RTCB: variants seen among roughly 807,000 people sequenced by gnomAD.
The protein encoded by RTCB is RNA-splicing ligase RTCB.
Under a neutral mutation model 58.2 loss-of-function variants are expected in RTCB, and 32 were observed. That is an observed-to-expected ratio of 0.55 (90% CI 0.41 to 0.74). The LOEUF is 0.74. RTCB is among the 30% of genes least tolerant of loss of function. The pLI is 0.00. For missense variants in RTCB, 523 were observed against 639.0 expected, an observed-to-expected ratio of 0.82 and a Z score of 1.96; for synonymous variants, 247 against 218.6, an observed-to-expected ratio of 1.13 and a Z score of -1.15.
At chr22:32,391,178 T>G (rs1423205817) in intron 11 of RTCB, among the ~76,000 whole-genome samples, 1 of 152,214 alleles carries the variant, frequency 6.6e-6, no homozygotes, top group Non-Finnish European at 1.5e-5. Context: ...TACAATTTAA[T>G]TTATAGTAGC....
Position 32,412,242 on chromosome 22 carries a change from A to G in RTCB, c.-86T>C. ...CCGGCTTCTCAGAGCACCGCCTTCC[A>G]AGAACCAAAGCGCAGGCGCGACCAG... On this transcript the variant is annotated 5_prime_UTR_variant, in exon 1 of 12. Transcript: ENST00000216038. The G allele has an allele frequency of 8.5e-7, 1 of 1,180,316 alleles. No individual in the cohort carries two copies. The highest frequency in any genetic ancestry group is 1.5e-5 in the African/African-American group (1 of 64,912). The allele number at this position is 1,180,316 out of a possible 1,614,324, so 73.1% of individuals were successfully genotyped here. A position where few individuals can be genotyped will look rare whatever the true frequency, so the allele number is the denominator to read the frequency against.
At position 32,403,633 on chromosome 22, in the gene RTCB, A is replaced by G. The variant is rs577437091; in HGVS notation, c.341-1730T>C. ...CTTGCTTTGTTGCCCAGGCTAGGTC[A>G]TAGCTCACTGAAGCCTCCAAGTCCT... On this transcript the variant is annotated intron_variant, in intron 4 of 11. Coordinates refer to ENST00000216038, the MANE Select transcript of RTCB (RefSeq NM_014306.5). 1.5e-4 allele frequency among the ~76,000 whole-genome samples: 23 copies of G among 152,210 alleles called. No homozygotes were observed. The East Asian group carries it at 3.1e-3, about 20-fold the overall frequency.
In RTCB at chr22:32,393,472, T is replaced by C. The variant is rs541157216; in HGVS notation, c.1290+420A>G. Among the ~76,000 whole-genome samples, 19 of 152,212 alleles carry C rather than the reference T, an allele frequency of 1.2e-4. No homozygotes were observed. In the East Asian group the frequency reaches 3.1e-3, roughly 25 times the overall value. ...CTGTACATGGGCTCTAATTTGCAAA[T>C]AGGGCCTATCCTTCCAATCTTGCGT... is the stretch of plus-strand genomic sequence containing the variant. On this transcript the variant is annotated intron_variant, in intron 10 of 11. Transcript: ENST00000216038.
chr22:32,394,003 C>T lies in RTCB; in HGVS notation c.1180-1G>A. 6.3e-7 allele frequency: 1 copy of T among 1,594,572 alleles called. No homozygotes were observed. The highest frequency in any genetic ancestry group is 8.6e-7 in the Non-Finnish European group (1 of 1,162,232). On this transcript the variant is annotated splice_acceptor_variant, in intron 9 of 11. Transcript: ENST00000216038. LOFTEE classifies it high-confidence loss of function. Reference sequence around the variant, plus strand: ...CAATGAGCACTGGCTGTCCAGTGAGCTGAGGATGCACATAAATCAAACATG... The same window carrying T: ...CAATGAGCACTGGCTGTCCAGTGAGTTGAGGATGCACATAAATCAAACATG...
At position 32,412,187 on chromosome 22, in the gene RTCB, C is replaced by G. The variant is rs1161566082; in HGVS notation, c.-31G>C. On this transcript the variant is annotated 5_prime_UTR_variant, in exon 1 of 12. Transcript: ENST00000216038. ...CGAAAACTGTAGCAAAAACTCCCGGCTCCGCTTTGAAGAGCCGCTGCCGCG... is the reference window on the plus strand; with the variant it reads ...CGAAAACTGTAGCAAAAACTCCCGGGTCCGCTTTGAAGAGCCGCTGCCGCG... 3 of 1,553,322 alleles carry G rather than the reference C, an allele frequency of 1.9e-6. No homozygotes were observed. The African/African-American group carries it at 4.2e-5, about 22-fold the overall frequency.
At chr22:32,390,582 A>G (rs141149611) in intron 11 of RTCB, among the ~76,000 whole-genome samples, 5,244 of 152,016 alleles carry the variant, frequency 0.034, 288 homozygotes, top group African/African-American at 0.12. Flanking sequence ...CCGAGTAGCT[A>G]GAGCTACAGG....
At chr22:32,398,127 A>G in intron 6 of RTCB, 27 bp from the exon 7 acceptor site, 1 of 1,591,278 alleles carries the variant, frequency 6.3e-7, no homozygotes, top group Non-Finnish European at 8.5e-7. Context: ...GTCTGGTAAG[A>G]TAGTTTTTAT....
chr22:32,393,498 G>A (rs1933190367), intron 10 of RTCB, among the ~76,000 whole-genome samples: 1 of 151,572 alleles, frequency 6.6e-6, no homozygotes, highest in Non-Finnish European at 1.5e-5. Context: ...AATCTTGCGT[G>A]GACCTACACA....
chr22:32,405,125 C>G (rs532366679), intron 4 of RTCB, among the ~76,000 whole-genome samples: 2 of 152,166 alleles, frequency 1.3e-5, no homozygotes, highest in South Asian at 4.2e-4. Flanking sequence ...CATTATTTGT[C>G]TATTTTATTC....
rs1021961799 is a variant in RTCB at position 32,396,259 on chromosome 22, G to T, written c.815-10C>A. 2 of 1,613,664 alleles carry T rather than the reference G, an allele frequency of 1.2e-6. No individual in the cohort carries two copies. Among genetic ancestry groups the T allele is most frequent in the African/African-American group, 1.3e-5 (1 of 75,040 alleles). Reference sequence around the variant, plus strand: ...ATAGCTACCAGCGCATCTGGAACAAGAGCCACAAAGTCCAAACCAGTTAGC... The same window carrying T: ...ATAGCTACCAGCGCATCTGGAACAATAGCCACAAAGTCCAAACCAGTTAGC... On this transcript the variant is annotated splice_polypyrimidine_tract_variant and intron_variant, in intron 7 of 11. Transcript: ENST00000216038.
intron 6 of RTCB, among the ~76,000 whole-genome samples, chr22:32,398,452 C>T (rs2294313): frequency 0.21 from 32,246 of 151,674 alleles, 3,715 homozygotes; most frequent in East Asian, 0.45. Context: ...CAGAGCCTGT[C>T]GAGGAGTGGG....
At chr22:32,399,232 G>A (rs1023972996) in intron 6 of RTCB, among the ~76,000 whole-genome samples, 1 of 152,022 alleles carries the variant, frequency 6.6e-6, no homozygotes, top group Non-Finnish European at 1.5e-5. Context: ...AAACTCCTAG[G>A]CTCAAGCAGT....
At chr22:32,389,836 T>G (rs1357452841) in intron 11 of RTCB, among the ~76,000 whole-genome samples, 1 of 152,168 alleles carries the variant, frequency 6.6e-6, no homozygotes, top group Non-Finnish European at 1.5e-5. Context: ...CCTCCAAGGT[T>G]TTTTCATTTT....
chr22:32,405,456 G>A (rs1346713050), intron 4 of RTCB, among the ~76,000 whole-genome samples: 1 of 152,062 alleles, frequency 6.6e-6, no homozygotes, highest in Non-Finnish European at 1.5e-5. Flanking sequence ...TGCACTGCTT[G>A]GCTGTACTAC....
chr22:32,393,095 C>T (rs73168710), intron 10 of RTCB, among the ~76,000 whole-genome samples: 12,193 of 152,210 alleles, frequency 0.08, 570 homozygotes, highest in African/African-American at 0.12. Context: ...CCACCACACC[C>T]GGCTAATTTA....
chr22:32,410,174 A>G (rs1361813421), intron 1 of RTCB, among the ~76,000 whole-genome samples: 2 of 152,140 alleles, frequency 1.3e-5, no homozygotes, highest in Non-Finnish European at 2.9e-5. Context: ...GTGCCATAAC[A>G]TTAAGTACAC....
At chr22:32,403,523 C>A (rs1933372471) in intron 4 of RTCB, among the ~76,000 whole-genome samples, 2 of 152,154 alleles carry the variant, frequency 1.3e-5, no homozygotes, top group African/African-American at 4.8e-5. Flanking sequence ...CAGTTACTTC[C>A]CCTTCTGTTT....
intron 9 of RTCB, 112 bp from the exon 10 acceptor site, chr22:32,394,114 CTTT>C (rs11396073): frequency 4.8e-4 from 249 of 513,854 alleles, no homozygotes; most frequent in East Asian, 7.8e-4. Flanking sequence ...ACCCAGACTT[CTTT>C]TTTTTTTTTT....
In RTCB at chr22:32,391,655, T is replaced by C. The variant is rs540871215; in HGVS notation, c.1410+585A>G. Reference sequence around the variant, plus strand: ...ATCTGCCCACCTCGGCCTCCCAAAATGCTGTGATTACAGGCGTGAGCCACC... The same window carrying C: ...ATCTGCCCACCTCGGCCTCCCAAAACGCTGTGATTACAGGCGTGAGCCACC... On this transcript the variant is annotated intron_variant, in intron 11 of 11. Transcript: ENST00000216038. 3.4e-3 allele frequency among the ~76,000 whole-genome samples: 512 copies of C among 152,250 alleles called. 3 individuals carry two copies. The highest frequency in any genetic ancestry group is 5.1e-3 in the Admixed American group (78 of 15,292).
Sources: gnomAD v4.1 joint callset for allele counts (sites outside exome capture counted in the v4.1 genomes callset) on GRCh38, gnomAD v4.1.1 for gene constraint, MANE v1.5 for transcripts, NCBI Gene and HGNC (gene_info 2026-07-23, HGNC 2026-07-21) for gene names.